The following NPAS3 variants were observed in gnomAD, a reference collection of about 807,000 sequenced individuals.
NPAS3 encodes the protein neuronal PAS domain protein 3.
Under a neutral mutation model 73.1 loss-of-function variants are expected in NPAS3, and 14 were observed. That is an observed-to-expected ratio of 0.19 (90% confidence interval 0.13 to 0.30). NPAS3 has a LOEUF of 0.30. Ranked by LOEUF, NPAS3 falls within the 10% of genes least tolerant of loss-of-function variation. The pLI is 1.00. For synonymous variants in NPAS3, 620 were observed against 541.5 expected (o/e 1.14, Z -2.01); for missense variants, 1,096 against 1,250.0 (o/e 0.88, Z 1.86).
At chr14:33,678,417 T>C (rs189794269) in intron 6 of NPAS3, among the ~76,000 whole-genome samples, 10 of 152,312 alleles carry the variant, frequency 6.6e-5, no homozygotes, top group Admixed American at 2.6e-4. Context: ...CCTTTCCTCC[T>C]GTCATCCTTC....
chr14:33,713,677 C>T (rs1441988645), intron 6 of NPAS3, among the ~76,000 whole-genome samples: 2 of 152,216 alleles, frequency 1.3e-5, no homozygotes, highest in Non-Finnish European at 2.9e-5. Flanking sequence ...ACTGCGGCAG[C>T]AGCCTCCTTG....
intron 2 of NPAS3, among the ~76,000 whole-genome samples, chr14:33,165,590 C>G (rs143202318): frequency 2.6e-5 from 4 of 151,882 alleles, no homozygotes; most frequent in African/African-American, 9.7e-5. Context: ...CTTATCAGAG[C>G]GTTGGCTGAT....
chr14:33,168,977 T>C (rs947245786), intron 2 of NPAS3, among the ~76,000 whole-genome samples: 1 of 152,204 alleles, frequency 6.6e-6, no homozygotes, highest in African/African-American at 2.4e-5. Context: ...TTTTTCAAAA[T>C]TGTGCTTTCA....
At chr14:33,067,985 C>A (rs751206676) in intron 2 of NPAS3, among the ~76,000 whole-genome samples, 3 of 152,140 alleles carry the variant, frequency 2.0e-5, no homozygotes, top group African/African-American at 4.8e-5. Flanking sequence ...CCCCTTAATT[C>A]AAGCTATTAT....
chr14:33,640,203 A>T (rs1267218241), intron 5 of NPAS3, among the ~76,000 whole-genome samples: 2 of 152,186 alleles, frequency 1.3e-5, no homozygotes, highest in Non-Finnish European at 2.9e-5. Flanking sequence ...GAAAAAAAAA[A>T]AAATTATCTG....
intron 7 of NPAS3, among the ~76,000 whole-genome samples, chr14:33,761,277 A>G (rs1345652411): frequency 6.6e-6 from 1 of 152,160 alleles, no homozygotes; most frequent in African/African-American, 2.4e-5. Flanking sequence ...AAGCCTTTAC[A>G]CTGGCAGAGA....
intron 1 of NPAS3, among the ~76,000 whole-genome samples, chr14:32,984,462 T>C (rs1201169783): frequency 6.6e-6 from 1 of 152,210 alleles, no homozygotes; most frequent in African/African-American, 2.4e-5. Context: ...TGGTTTTTCA[T>C]CAACATTTTG....
At chr14:33,667,171 AATGTATACTTATAGCAT>A (rs144767773) in intron 5 of NPAS3, among the ~76,000 whole-genome samples, 5,291 of 152,294 alleles carry the variant, frequency 0.035, 173 homozygotes, top group East Asian at 0.16. Context: ...ACCTGGTGGT[AATGTATACTTATAGCAT>A]ATTACGAATC....
At chr14:33,048,779 ACT>A (rs1325785338) in intron 1 of NPAS3, among the ~76,000 whole-genome samples, 1 of 152,176 alleles carries the variant, frequency 6.6e-6, no homozygotes, top group Non-Finnish European at 1.5e-5. Context: ...GACCAAGAAC[ACT>A]CTGGCTGAGA....
chr14:33,407,372 G>A (rs551343240), intron 4 of NPAS3, among the ~76,000 whole-genome samples: 117 of 152,256 alleles, frequency 7.7e-4, no homozygotes, highest in South Asian at 2.3e-3. Flanking sequence ...CAGAGGAAAA[G>A]TGGAAAGTCA....
intron 1 of NPAS3, among the ~76,000 whole-genome samples, chr14:33,013,122 A>G (rs1449638878): frequency 6.6e-6 from 1 of 152,198 alleles, no homozygotes; most frequent in Non-Finnish European, 1.5e-5. Flanking sequence ...CAGAAAAAGT[A>G]TTGTATTCTT....
At chr14:33,666,339 A>ATTCTT (rs1317206248) in intron 5 of NPAS3, among the ~76,000 whole-genome samples, 1 of 152,094 alleles carries the variant, frequency 6.6e-6, no homozygotes, top group Non-Finnish European at 1.5e-5. Context: ...GTCCTTACTC[A>ATTCTT]TTCTTTTCTC....
At chr14:33,347,717 A>G (rs2044812284) in intron 3 of NPAS3, among the ~76,000 whole-genome samples, 3 of 152,328 alleles carry the variant, frequency 2.0e-5, no homozygotes, top group Admixed American at 2.0e-4. Context: ...TTTGCATATA[A>G]CCTAGGTACA....
chr14:33,039,170 C>T (rs970425341), intron 1 of NPAS3, among the ~76,000 whole-genome samples: 1 of 152,138 alleles, frequency 6.6e-6, no homozygotes, highest in Non-Finnish European at 1.5e-5. Flanking sequence ...AAATGATGCT[C>T]ATTCTGAGGT....
chr14:33,595,326 CTTTT>C (rs1011957261), intron 5 of NPAS3, among the ~76,000 whole-genome samples: 1 of 147,780 alleles, frequency 6.8e-6, no homozygotes, highest in Admixed American at 6.8e-5. Flanking sequence ...TTCTCTGCCT[CTTTT>C]TTTTTTAACT....
chr14:33,410,555 T>C (rs2047876658), intron 4 of NPAS3, among the ~76,000 whole-genome samples: 2 of 152,222 alleles, frequency 1.3e-5, no homozygotes, highest in African/African-American at 2.4e-5. Flanking sequence ...TCTCATTGCA[T>C]TCCAGATTTC....
At chr14:33,196,541 T>C (rs1429007179) in intron 2 of NPAS3, among the ~76,000 whole-genome samples, 1 of 152,180 alleles carries the variant, frequency 6.6e-6, no homozygotes, top group Non-Finnish European at 1.5e-5. Flanking sequence ...TGAAAACGCA[T>C]AGATGGGTGG....
chr14:33,172,912 AAGG>A (rs202162497), intron 2 of NPAS3, among the ~76,000 whole-genome samples: 1,608 of 152,214 alleles, frequency 0.011, 37 homozygotes, highest in African/African-American at 0.037. Flanking sequence ...ATTTCTGAAA[AAGG>A]AGGTTATTAT....
chr14:33,395,862 C>T (rs1237324903), intron 4 of NPAS3, among the ~76,000 whole-genome samples: 4 of 152,100 alleles, frequency 2.6e-5, no homozygotes, highest in African/African-American at 7.2e-5. Context: ...AGGCACTTTC[C>T]ATAGCACTAA....
Sources: allele counts gnomAD v4.1 joint callset (sites outside exome capture counted in the v4.1 genomes callset), GRCh38; gene constraint gnomAD v4.1.1; transcripts MANE v1.5; gene names NCBI Gene and HGNC (gene_info 2026-07-23, HGNC 2026-07-21).